Variants in TYW1B observed in about 807,000 individuals in gnomAD.
TYW1B encodes tRNA-yW synthesizing protein 1 homolog B.
TYW1B carries 73 observed loss-of-function variants against 86.9 expected under a neutral mutation model. That is an observed-to-expected ratio of 0.84 (90% confidence interval 0.70 to 1.02). The LOEUF (loss-of-function observed/expected upper bound fraction) is 1.02. Among genes scored for constraint, TYW1B ranks in the 50% least tolerant of loss-of-function variants. The pLI, the probability that TYW1B is intolerant of heterozygous loss-of-function variation, is 0.00. For synonymous variants in TYW1B, 248 were observed against 292.8 expected (o/e 0.85, Z 1.56); for missense variants, 637 against 827.4 (o/e 0.77, Z 2.82).
At chr7:72,760,357 G>A (rs146378313) in intron 7 of TYW1B, among the ~76,000 whole-genome samples, 1 of 152,190 alleles carries the variant, frequency 6.6e-6, no homozygotes, top group Non-Finnish European at 1.5e-5. Context: ...CATTAGATTA[G>A]CTATTGAGGC....
intron 13 of TYW1B, among the ~76,000 whole-genome samples, chr7:72,603,445 A>C (rs1285617782): frequency 3.9e-5 from 6 of 152,346 alleles, no homozygotes; most frequent in African/African-American, 1.4e-4. Context: ...AACTGAATAC[A>C]TTAATAAATG....
chr7:72,730,697 C>CAGG lies in TYW1B; in HGVS notation c.1083-1769_1083-1767dup, dbSNP rs1787087713. Among the ~76,000 whole-genome samples, 5 of 150,768 alleles carry CAGG rather than the reference C, an allele frequency of 3.3e-5. No homozygotes were observed. In the South Asian group the frequency reaches 1.1e-3, roughly 32 times the overall value. ...ATAGAGGAGAGAGGAGGAGGAAGAG[C>CAGG]AGGAGGAGGAGCAGCAGCAGGAGGC... On this transcript the variant is annotated intron_variant, in intron 8 of 13. Transcript: ENST00000620995.
At chr7:72,676,651 AT>A (rs1349167315) in intron 11 of TYW1B, among the ~76,000 whole-genome samples, 2 of 152,168 alleles carry the variant, frequency 1.3e-5, no homozygotes, top group Non-Finnish European at 2.9e-5. Context: ...AGCATAAACC[AT>A]AAAGGCTTTA....
chr7:72,816,141 C>G (rs1554479385), intron 2 of TYW1B, among the ~76,000 whole-genome samples: 1 of 152,118 alleles, frequency 6.6e-6, no homozygotes, highest in Non-Finnish European at 1.5e-5. Context: ...CCTTGGGAGG[C>G]CGATGCGGCT....
chr7:72,607,931 T>C (rs147990723), intron 13 of TYW1B, among the ~76,000 whole-genome samples: 1,906 of 152,244 alleles, frequency 0.013, 42 homozygotes, highest in African/African-American at 0.041. Context: ...ACTCAAGACC[T>C]GAATATTTTT....
At chr7:72,599,745 A>G (rs1811614533) in intron 13 of TYW1B, among the ~76,000 whole-genome samples, 1 of 152,168 alleles carries the variant, frequency 6.6e-6, no homozygotes, top group Admixed American at 6.5e-5. Context: ...ATATACTAGC[A>G]AGGAACAACT....
intron 11 of TYW1B, among the ~76,000 whole-genome samples, chr7:72,632,401 A>AT (rs1812543025): frequency 1.0e-5 from 1 of 98,716 alleles, no homozygotes; most frequent in South Asian, 2.5e-4. Flanking sequence ...TATATATATA[A>AT]TATATATATA....
intron 6 of TYW1B, among the ~76,000 whole-genome samples, chr7:72,789,939 CTTTT>C (rs67405029): frequency 1.4e-5 from 1 of 69,168 alleles, no homozygotes; most frequent in Non-Finnish European, 2.7e-5. Context: ...ATAGGATTAT[CTTTT>C]TTTTTTTTTT....
At chr7:72,802,587 C>T (rs1788421288) in intron 5 of TYW1B, 65 bp from the exon 6 acceptor site, 3 of 1,581,756 alleles carry the variant, frequency 1.9e-6, no homozygotes, top group African/African-American at 2.7e-5. Flanking sequence ...TCTCACCCTC[C>T]CTCCCACACT....
intron 9 of TYW1B, among the ~76,000 whole-genome samples, chr7:72,718,240 G>T (rs78439690): frequency 0.79 from 119,421 of 151,678 alleles, 47,227 homozygotes; most frequent in Middle Eastern, 0.8. Flanking sequence ...AATATCACAC[G>T]TTCTCACTTT....
chr7:72,742,572 C>G (rs1554462699), intron 8 of TYW1B, among the ~76,000 whole-genome samples: 1 of 152,118 alleles, frequency 6.6e-6, no homozygotes, highest in African/African-American at 2.4e-5. Flanking sequence ...GGAGGCGGGA[C>G]AGAGCTGTTT....
chr7:72,654,611 T>C (rs543923677), intron 11 of TYW1B, among the ~76,000 whole-genome samples: 2 of 152,364 alleles, frequency 1.3e-5, no homozygotes, highest in Admixed American at 1.3e-4. Flanking sequence ...CCGGGCACGG[T>C]GGCTCACGCC....
chr7:72,632,346 T>TTATATTATATATATACG, intron 11 of TYW1B, among the ~76,000 whole-genome samples: 1 of 103,580 alleles, frequency 9.7e-6, no homozygotes, highest in East Asian at 2.4e-4. Context: ...CGTATATATA[T>TTATATTATATATATACG]TATATATATT....
chr7:72,735,115 G>A (rs1307901509), intron 8 of TYW1B, among the ~76,000 whole-genome samples: 4 of 152,120 alleles, frequency 2.6e-5, no homozygotes, highest in Admixed American at 6.6e-5. Flanking sequence ...TACATCCAAA[G>A]GAAAGGAAAT....
At chr7:72,586,442 T>C (rs1350445130) in intron 13 of TYW1B, among the ~76,000 whole-genome samples, 2 of 152,150 alleles carry the variant, frequency 1.3e-5, no homozygotes. Context: ...TGGCAGAGAA[T>C]ATCTGGTGTG....
chr7:72,774,399 A>AT (rs1256271017), intron 7 of TYW1B, among the ~76,000 whole-genome samples: 2 of 150,658 alleles, frequency 1.3e-5, no homozygotes, highest in African/African-American at 4.9e-5. Flanking sequence ...AAAAAAAAAA[A>AT]GCTTAAAACT....
intron 13 of TYW1B, among the ~76,000 whole-genome samples, chr7:72,590,899 C>CAGCCATCT (rs1223820166): frequency 3.3e-5 from 5 of 152,122 alleles, no homozygotes; most frequent in Non-Finnish European, 5.9e-5. Context: ...GACTTTAAAA[C>CAGCCATCT]AGCCATCTTA....
intron 11 of TYW1B, among the ~76,000 whole-genome samples, chr7:72,691,870 T>C (rs1246732470): frequency 1.3e-5 from 2 of 152,096 alleles, no homozygotes; most frequent in South Asian, 2.1e-4. Context: ...AAAACACATA[T>C]AGTACTTTAC....
chr7:72,612,658 G>A (rs1157968037), intron 13 of TYW1B, among the ~76,000 whole-genome samples: 9 of 152,124 alleles, frequency 5.9e-5, no homozygotes, highest in East Asian at 1.9e-4. Context: ...AAAAGGACAC[G>A]TCGCCAACAC....
Sources: gnomAD v4.1 joint callset for allele counts (sites outside exome capture counted in the v4.1 genomes callset) on GRCh38, gnomAD v4.1.1 for gene constraint, MANE v1.5 for transcripts, NCBI Gene and HGNC (gene_info 2026-07-23, HGNC 2026-07-21) for gene names.